FBXW8: variants seen among roughly 807,000 people sequenced by gnomAD.
FBXW8 encodes F-box/WD repeat-containing protein 8.
Under a neutral mutation model 65.3 loss-of-function variants are expected in FBXW8, and 57 were observed. That is an observed-to-expected ratio of 0.87 (90% CI 0.71 to 1.09). FBXW8 has a LOEUF of 1.09. Ranked by LOEUF, FBXW8 falls within the 50% of genes least tolerant of loss-of-function variation. FBXW8 has a pLI of 0.00. For missense variants in FBXW8, 777 were observed against 814.8 expected (o/e 0.95, Z 0.57); for synonymous variants, 308 against 330.2 (o/e 0.93, Z 0.73).
chr12:117,028,827 A>G lies in FBXW8; in HGVS notation c.*655A>G, dbSNP rs1434148417. ...GATACAAAGCAAATATTTTCTAAAT[A>G]TTCATTGACTAAACAGCCATCAAGA... On this transcript the variant is annotated 3_prime_UTR_variant, in exon 11 of 11. Coordinates refer to ENST00000652555, the MANE Select transcript of FBXW8 (RefSeq NM_153348.3). This position sits in a 1 kb window ranked among gnomAD's most constrained non-coding sequence, Gnocchi z 4.1. 1.3e-5 allele frequency: 2 copies of G among 152,520 alleles called. No individual in the cohort carries two copies. Among genetic ancestry groups the G allele is most frequent in the Non-Finnish European group, 2.9e-5 (2 of 68,286 alleles). The allele number at this position is 152,520 out of a possible 1,614,324, so 9.4% of individuals were successfully genotyped here.
At chr12:117,020,822 T>C (rs1954076176) in intron 8 of FBXW8, among the ~76,000 whole-genome samples, 1 of 152,186 alleles carries the variant, frequency 6.6e-6, no homozygotes, top group Non-Finnish European at 1.5e-5. Flanking sequence ...GGAAGTCACT[T>C]CCTACGTGAG....
At chr12:116,963,276 A>G (rs1884099820) in intron 4 of FBXW8, among the ~76,000 whole-genome samples, 1 of 152,156 alleles carries the variant, frequency 6.6e-6, no homozygotes, top group African/African-American at 2.4e-5. Flanking sequence ...CTACTAGTAA[A>G]CAAAGCACTC....
rs2135669562 is a variant in FBXW8 at position 116,985,297 on chromosome 12, G to A, written c.927G>A (p.Gln309=). ...DARIQALALS[Q]DDATVATASA... ...GAATACAGGCACTAGCCCTCAGCCA[G>A]GACGATGCAACCGTGGCCACAGCTT... The change falls in exon 6 of 11, where the codon CAG becomes CAA. Residue 309 remains glutamine (Q), a synonymous_variant. Coordinates refer to ENST00000652555, the MANE Select transcript of FBXW8 (RefSeq NM_153348.3). The A allele has an allele frequency of 6.2e-7, 1 of 1,614,216 alleles. No homozygotes were observed. Among genetic ancestry groups the A allele is most frequent in the Non-Finnish European group, 8.5e-7 (1 of 1,180,038 alleles).
intron 8 of FBXW8, among the ~76,000 whole-genome samples, chr12:117,015,708 A>G (rs1220360665): frequency 6.6e-6 from 1 of 152,194 alleles, no homozygotes; most frequent in Non-Finnish European, 1.5e-5. Context: ...TACATGCCAC[A>G]TAATTCACCA....
At chr12:116,932,932 G>A (rs973915001) in intron 2 of FBXW8, among the ~76,000 whole-genome samples, 3 of 152,102 alleles carry the variant, frequency 2.0e-5, no homozygotes, top group Non-Finnish European at 4.4e-5. Flanking sequence ...TGTTAGTATT[G>A]CTTAAGTGGG....
At chr12:116,955,296 A>T (rs1883573629) in intron 4 of FBXW8, among the ~76,000 whole-genome samples, 1 of 152,200 alleles carries the variant, frequency 6.6e-6, no homozygotes, top group African/African-American at 2.4e-5. Context: ...TGTTGGAGAG[A>T]TAAGTGGACG....
At position 116,928,078 on chromosome 12, in the gene FBXW8, T is replaced by G. The variant is rs746979946; in HGVS notation, c.374T>G (p.Ile125Ser). Residue 125 changes from isoleucine (I) to serine (S), a missense_variant, in exon 2 of 11, where the codon ATC (isoleucine) becomes AGC (serine). By Grantham distance (142) the Ile-to-Ser change is moderately radical. Coordinates refer to ENST00000652555, the MANE Select transcript of FBXW8 (RefSeq NM_153348.3). ...ATCCAACTGCCTTACGAATTGGCAA[T>G]CAATATATTTCAGTATCTGGACAGG... ...FDIQLPYELA[I>S]NIFQYLDRKE... The G allele has an allele frequency of 6.2e-7, 1 of 1,612,500 alleles. No individual in the cohort carries two copies. Among genetic ancestry groups the G allele is most frequent in the African/African-American group, 1.3e-5 (1 of 74,972 alleles).
chr12:116,969,821 A>G (rs531317707), intron 5 of FBXW8, among the ~76,000 whole-genome samples: 1 of 151,764 alleles, frequency 6.6e-6, no homozygotes, highest in South Asian at 2.1e-4. Flanking sequence ...AACACTGTAC[A>G]TGCACCTGGG....
chr12:117,004,939 T>G (rs1334957422), intron 7 of FBXW8, among the ~76,000 whole-genome samples: 1 of 152,202 alleles, frequency 6.6e-6, no homozygotes, highest in African/African-American at 2.4e-5. Context: ...TTTCTCTGAT[T>G]GCTTATTAAA....
At chr12:117,016,673 G>A (rs1174693835) in intron 8 of FBXW8, among the ~76,000 whole-genome samples, 1 of 143,250 alleles carries the variant, frequency 7.0e-6, no homozygotes, top group Admixed American at 7.0e-5. Flanking sequence ...TGTCATTTGT[G>A]CTATGGATGT....
intron 4 of FBXW8, among the ~76,000 whole-genome samples, chr12:116,953,557 G>C (rs1361671317): frequency 6.6e-6 from 1 of 151,958 alleles, no homozygotes; most frequent in Non-Finnish European, 1.5e-5. Flanking sequence ...GGATCACAAG[G>C]TCAGGAGATC....
chr12:117,014,529 G>A (rs1324080123), intron 8 of FBXW8, among the ~76,000 whole-genome samples: 1 of 152,176 alleles, frequency 6.6e-6, no homozygotes, highest in Non-Finnish European at 1.5e-5. Flanking sequence ...TGGACATTGT[G>A]GATGTTGTGT....
intron 1 of FBXW8, among the ~76,000 whole-genome samples, chr12:116,920,779 G>GC (rs1387393172): frequency 2.9e-4 from 44 of 152,120 alleles, no homozygotes; most frequent in Admixed American, 2.3e-3. Flanking sequence ...TGACCAACAG[G>GC]CCCCCCAAAT....
intron 7 of FBXW8, among the ~76,000 whole-genome samples, chr12:116,990,651 ATTTATT>A (rs776196104): frequency 6.6e-6 from 1 of 152,142 alleles, no homozygotes; most frequent in Non-Finnish European, 1.5e-5. Context: ...ATCTGAATGG[ATTTATT>A]CCTGTAGTAA....
chr12:117,016,862 A>C (rs1309957648), intron 8 of FBXW8, among the ~76,000 whole-genome samples: 1 of 152,136 alleles, frequency 6.6e-6, no homozygotes. Flanking sequence ...ATATCCAGCT[A>C]TCCTGGCACC....
chr12:117,000,796 G>A (rs1030776063), intron 7 of FBXW8, among the ~76,000 whole-genome samples: 9 of 152,196 alleles, frequency 5.9e-5, no homozygotes, highest in Admixed American at 2.6e-4. Context: ...GTGAGATAAC[G>A]CATCATAGCA....
At chr12:116,956,745 A>G (rs1182173830) in intron 4 of FBXW8, among the ~76,000 whole-genome samples, 3 of 152,064 alleles carry the variant, frequency 2.0e-5, no homozygotes, top group African/African-American at 4.8e-5. Context: ...AGGTGGGTGG[A>G]TCACTTAGGG....
chr12:116,973,232 A>C (rs1221946915), intron 5 of FBXW8, among the ~76,000 whole-genome samples: 1 of 152,240 alleles, frequency 6.6e-6, no homozygotes, highest in Non-Finnish European at 1.5e-5. Context: ...ATGTCAACTA[A>C]TAAATGCAGA....
chr12:116,944,254 G>C (rs561812838), intron 2 of FBXW8, among the ~76,000 whole-genome samples: 1 of 152,108 alleles, frequency 6.6e-6, no homozygotes, highest in Non-Finnish European at 1.5e-5. Context: ...AAAGTTGATC[G>C]ATCATTTTTG....
Sources: allele counts gnomAD v4.1 joint callset (sites outside exome capture counted in the v4.1 genomes callset), GRCh38; gene constraint gnomAD v4.1.1; non-coding constraint Gnocchi (gnomAD v3.1); transcripts MANE v1.5; gene names NCBI Gene and HGNC (gene_info 2026-07-23, HGNC 2026-07-21).